SKAP2: variants seen among roughly 807,000 people sequenced by gnomAD.
SKAP2 encodes src kinase-associated phosphoprotein 2.
SKAP2 carries 28 observed loss-of-function variants against 54.9 expected under a neutral mutation model. The ratio of observed to expected loss-of-function variants is 0.51; its 90% CI spans 0.38 to 0.70. The LOEUF (loss-of-function observed/expected upper bound fraction) is 0.70, where lower values mean the gene tolerates loss of function less well. SKAP2 is among the 30% of genes least tolerant of loss of function. The probability of loss-of-function intolerance (pLI) is 0.00; values close to 1 mark genes in which losing one functional copy is unlikely to be tolerated. For missense variants in SKAP2, 356 were observed against 424.1 expected, an observed-to-expected ratio of 0.84 and a Z score of 1.41; for synonymous variants, 137 against 134.3, an observed-to-expected ratio of 1.02 and a Z score of -0.14.
chr7:26,854,113 A>G (rs200782372), intron 3 of SKAP2, 24 bp downstream of exon 3: 109 of 1,548,874 alleles, frequency 7.0e-5, no homozygotes, highest in Non-Finnish European at 9.0e-5. Flanking sequence ...AAAATTTTCA[A>G]GTTTGCCAAA....
intron 4 of SKAP2, among the ~76,000 whole-genome samples, chr7:26,750,965 A>C (rs1436996070): frequency 6.6e-6 from 1 of 152,066 alleles, no homozygotes; most frequent in African/African-American, 2.4e-5. Flanking sequence ...TTGAGGTATA[A>C]ATTTTTAAAA....
intron 4 of SKAP2, among the ~76,000 whole-genome samples, chr7:26,772,592 T>C (rs1174055716): frequency 2.0e-5 from 3 of 152,248 alleles, no homozygotes; most frequent in Non-Finnish European, 2.9e-5. Flanking sequence ...TATTCTGATA[T>C]ATACGTACCA....
downstream of SKAP2, among the ~76,000 whole-genome samples, chr7:26,665,035 A>G (rs1469866327): frequency 1.3e-5 from 2 of 152,226 alleles, no homozygotes; most frequent in Non-Finnish European, 2.9e-5. Flanking sequence ...AACAAAAAGG[A>G]CAAAAGCTAA....
At chr7:26,807,221 G>A (rs933201843) in intron 4 of SKAP2, among the ~76,000 whole-genome samples, 7 of 152,230 alleles carry the variant, frequency 4.6e-5, no homozygotes, top group Admixed American at 4.6e-4. Flanking sequence ...CGATACAGCA[G>A]TGGCAGGATT....
At chr7:26,683,958 G>C (rs549239567) in intron 11 of SKAP2, among the ~76,000 whole-genome samples, 1 of 152,184 alleles carries the variant, frequency 6.6e-6, no homozygotes, top group East Asian at 1.9e-4. Flanking sequence ...AAGTAGTCTT[G>C]TAAGTAGACA....
intron 11 of SKAP2, among the ~76,000 whole-genome samples, chr7:26,683,281 G>A (rs992485863): frequency 3.9e-5 from 6 of 152,130 alleles, no homozygotes; most frequent in African/African-American, 1.2e-4. Context: ...CTTAACTCAG[G>A]ACAATTTAAT....
chr7:26,772,152 C>T (rs1048008078), intron 4 of SKAP2, among the ~76,000 whole-genome samples: 3 of 152,172 alleles, frequency 2.0e-5, no homozygotes, highest in Non-Finnish European at 4.4e-5. Context: ...ATAAAACTTT[C>T]ATTTAAGTCA....
chr7:26,831,373 T>C (rs1021280872), intron 4 of SKAP2, among the ~76,000 whole-genome samples: 1 of 152,152 alleles, frequency 6.6e-6, no homozygotes, highest in Admixed American at 6.5e-5. Flanking sequence ...AATACCCTGT[T>C]GAAAAAATGA....
intron 11 of SKAP2, among the ~76,000 whole-genome samples, chr7:26,683,876 C>T (rs1786569718): frequency 6.6e-6 from 1 of 152,170 alleles, no homozygotes; most frequent in African/African-American, 2.4e-5. Context: ...GAAACCACAT[C>T]AACCTCCTAG....
chr7:26,780,837 C>G (rs1783409602), intron 4 of SKAP2, among the ~76,000 whole-genome samples: 1 of 151,908 alleles, frequency 6.6e-6, no homozygotes, highest in Non-Finnish European at 1.5e-5. Context: ...TTCATGGGCC[C>G]AATCTTTTCC....
intron 9 of SKAP2, among the ~76,000 whole-genome samples, chr7:26,702,803 C>T (rs1433890673): frequency 2.6e-5 from 4 of 152,188 alleles, no homozygotes; most frequent in Admixed American, 6.5e-5. Context: ...AATAGCCTCA[C>T]TTGTATTTTT....
chr7:26,774,374 T>TCA (rs200727732), intron 4 of SKAP2, among the ~76,000 whole-genome samples: 9 of 151,610 alleles, frequency 5.9e-5, no homozygotes, highest in African/African-American at 1.7e-4. Flanking sequence ...GAAAGTCTTC[T>TCA]CACACACACA....
chr7:26,826,854 T>C (rs1322278690), intron 4 of SKAP2, among the ~76,000 whole-genome samples: 1 of 152,196 alleles, frequency 6.6e-6, no homozygotes, highest in African/African-American at 2.4e-5. Flanking sequence ...TAAACTTTTA[T>C]TCCATCTAGC....
chr7:26,774,502 TG>T (rs1389837412), intron 4 of SKAP2, among the ~76,000 whole-genome samples: 2 of 56,290 alleles, frequency 3.6e-5, no homozygotes, highest in Admixed American at 1.7e-4. Context: ...GATCAAGTTG[TG>T]TGTGTGTGTG....
chr7:26,748,508 T>C (rs764868008), intron 4 of SKAP2, among the ~76,000 whole-genome samples: 2 of 152,218 alleles, frequency 1.3e-5, no homozygotes, highest in Admixed American at 6.5e-5. Flanking sequence ...AGATTCCACA[T>C]AAAAAATTTA....
chr7:26,700,975 A>G (rs957526746), intron 9 of SKAP2, among the ~76,000 whole-genome samples: 2 of 152,134 alleles, frequency 1.3e-5, no homozygotes, highest in Non-Finnish European at 2.9e-5. Flanking sequence ...GCAAAGCTCA[A>G]TCCCCACTCT....
chr7:26,734,116 T>C (rs548540625), intron 6 of SKAP2, among the ~76,000 whole-genome samples: 3 of 152,168 alleles, frequency 2.0e-5, no homozygotes, highest in Non-Finnish European at 2.9e-5. Flanking sequence ...AAGCATAACT[T>C]TGGAGGCAGA....
chr7:26,771,724 A>AT (rs1783194306), intron 4 of SKAP2, among the ~76,000 whole-genome samples: 1 of 152,230 alleles, frequency 6.6e-6, no homozygotes, highest in Non-Finnish European at 1.5e-5. Context: ...GATTTAGTAG[A>AT]TTTTGAAAAC....
At chr7:26,702,725 A>G (rs540526009) in intron 9 of SKAP2, among the ~76,000 whole-genome samples, 10 of 152,182 alleles carry the variant, frequency 6.6e-5, no homozygotes, top group Non-Finnish European at 1.2e-4. Flanking sequence ...GAAGGCCTCA[A>G]TCCAAGGAAT....
Sources: allele counts gnomAD v4.1 joint callset (sites outside exome capture counted in the v4.1 genomes callset), GRCh38; gene constraint gnomAD v4.1.1; transcripts MANE v1.5; gene names NCBI Gene and HGNC (gene_info 2026-07-23, HGNC 2026-07-21).